PHF24: variants seen among roughly 807,000 people sequenced by gnomAD.
PHF24 encodes PHD finger protein 24.
Under a neutral mutation model 42.6 loss-of-function variants are expected in PHF24, and 25 were observed. That is an observed-to-expected ratio of 0.59 (90% confidence interval 0.43 to 0.82). The LOEUF (loss-of-function observed/expected upper bound fraction) is 0.82. Ranked by LOEUF, PHF24 falls within the 40% of genes least tolerant of loss-of-function variation. The pLI, the probability that PHF24 is intolerant of heterozygous loss-of-function variation, is 0.00. For synonymous variants in PHF24, 185 were observed against 204.8 expected (o/e 0.90, Z 0.83); for missense variants, 470 against 538.1 (o/e 0.87, Z 1.25).
At chr9:34,685,610 G>A in the PHF24 span, among the ~76,000 whole-genome samples, 1 of 152,218 alleles carries the variant, frequency 6.6e-6, no homozygotes, top group Non-Finnish European at 1.5e-5. Flanking sequence ...GGCTTAGACT[G>A]CAATCCCAGC....
chr9:34,852,982 T>C, the PHF24 span, among the ~76,000 whole-genome samples: 1 of 152,206 alleles, frequency 6.6e-6, no homozygotes, highest in Non-Finnish European at 1.5e-5. Context: ...TAAATAAGCT[T>C]TATACCCCTT....
At chr9:34,823,202 CAAAAAAAA>C in the PHF24 span, among the ~76,000 whole-genome samples, 18 of 58,642 alleles carry the variant, frequency 3.1e-4, no homozygotes, top group African/African-American at 1.3e-3. Flanking sequence ...GACTCCGTCT[CAAAAAAAA>C]AAAAAAAAAA....
the PHF24 span, among the ~76,000 whole-genome samples, chr9:34,711,201 A>T: frequency 6.6e-6 from 1 of 152,056 alleles, no homozygotes; most frequent in African/African-American, 2.4e-5. Flanking sequence ...TTTAAATTAT[A>T]TAGAAAAAAG....
the PHF24 span, among the ~76,000 whole-genome samples, chr9:34,772,534 A>C: frequency 1.3e-5 from 2 of 152,266 alleles, no homozygotes; most frequent in Non-Finnish European, 2.9e-5. Flanking sequence ...TGATTAAAGA[A>C]GAATGAATAA....
At chr9:34,727,996 A>C in the PHF24 span, 4 of 1,549,156 alleles carry the variant, frequency 2.6e-6, no homozygotes, top group African/African-American at 5.5e-5. Context: ...CTGGTTGTTG[A>C]TAGAGTGCAA....
the PHF24 span, among the ~76,000 whole-genome samples, chr9:34,908,236 G>A: frequency 1.3e-5 from 2 of 152,120 alleles, no homozygotes; most frequent in Non-Finnish European, 2.9e-5. Context: ...TTGAGGAAGG[G>A]GCACTTCTTG....
At chr9:34,894,914 TG>T in the PHF24 span, 1 of 397,070 alleles carries the variant, frequency 2.5e-6, no homozygotes, top group East Asian at 3.6e-5. Context: ...AAATTGTCCC[TG>T]GGGGGTACTA....
At chr9:34,973,339 C>G (rs1173024112) in intron 3 of PHF24, among the ~76,000 whole-genome samples, 1 of 152,228 alleles carries the variant, frequency 6.6e-6, no homozygotes, top group Non-Finnish European at 1.5e-5. Flanking sequence ...CCACCTGACT[C>G]ATAAGCATTT....
chr9:34,809,993 C>T, the PHF24 span, among the ~76,000 whole-genome samples: 22 of 150,458 alleles, frequency 1.5e-4, no homozygotes, highest in African/African-American at 5.3e-4. This position sits in a 1 kb window ranked among gnomAD's most constrained non-coding sequence, Gnocchi z 4.1. Context: ...CTCGCGTGGG[C>T]GCACGCGCCG....
chr9:34,923,005 T>A, the PHF24 span: 2 of 743,442 alleles, frequency 2.7e-6, no homozygotes, highest in African/African-American at 3.7e-5. Flanking sequence ...GGGCCGGGCC[T>A]GGGCTCCGGC....
chr9:34,905,214 C>T, the PHF24 span, among the ~76,000 whole-genome samples: 1 of 152,132 alleles, frequency 6.6e-6, no homozygotes, highest in Non-Finnish European at 1.5e-5. Context: ...TAGTCTCCAC[C>T]CTCCTGACCA....
the PHF24 span, among the ~76,000 whole-genome samples, chr9:34,814,942 T>C: frequency 6.6e-6 from 1 of 152,128 alleles, no homozygotes; most frequent in East Asian, 1.9e-4. Context: ...GGTTTCGCCA[T>C]GTTGGCCAGG....
the PHF24 span, among the ~76,000 whole-genome samples, chr9:34,876,586 G>T: frequency 1.3e-5 from 2 of 152,080 alleles, no homozygotes; most frequent in Non-Finnish European, 2.9e-5. Flanking sequence ...ATGAAAAGAT[G>T]CTCAACATCA....
the PHF24 span, among the ~76,000 whole-genome samples, chr9:34,679,798 C>T: frequency 6.6e-6 from 1 of 152,210 alleles, no homozygotes; most frequent in Admixed American, 6.5e-5. Flanking sequence ...CCTACAAGCA[C>T]AACTACCAAA....
the PHF24 span, among the ~76,000 whole-genome samples, chr9:34,903,931 T>A: frequency 1.3e-5 from 2 of 152,234 alleles, no homozygotes; most frequent in Non-Finnish European, 2.9e-5. Context: ...TTATTTTTAT[T>A]TTTTTTCAGC....
chr9:34,747,051 A>G, the PHF24 span, among the ~76,000 whole-genome samples: 2 of 152,246 alleles, frequency 1.3e-5, no homozygotes, highest in Admixed American at 6.5e-5. Flanking sequence ...GTATAAAGGT[A>G]AGTACAGAAG....
the PHF24 span, among the ~76,000 whole-genome samples, chr9:34,783,487 G>A: frequency 6.6e-6 from 1 of 151,882 alleles, no homozygotes; most frequent in Admixed American, 6.6e-5. Context: ...TTCTATCATA[G>A]CCCTTACCCT....
the PHF24 span, among the ~76,000 whole-genome samples, chr9:34,911,333 C>G: frequency 6.6e-6 from 1 of 152,146 alleles, no homozygotes; most frequent in African/African-American, 2.4e-5. Flanking sequence ...TGGCTCACTG[C>G]AACCTCCACC....
the PHF24 span, among the ~76,000 whole-genome samples, chr9:34,879,763 T>A: frequency 2.0e-5 from 3 of 152,172 alleles, no homozygotes; most frequent in Non-Finnish European, 4.4e-5. Context: ...GGAACCAAGT[T>A]GGAAAACACT....
Sources: allele counts gnomAD v4.1 joint callset (sites outside exome capture counted in the v4.1 genomes callset), GRCh38; gene constraint gnomAD v4.1.1; non-coding constraint Gnocchi (gnomAD v3.1); transcripts MANE v1.5; gene names NCBI Gene and HGNC (gene_info 2026-07-23, HGNC 2026-07-21).